EXOC3: variants seen among roughly 807,000 people sequenced by gnomAD.
EXOC3 encodes the protein SEC6-like 1.
EXOC3 carries 21 observed loss-of-function variants against 73.7 expected under a neutral mutation model. The observed-to-expected ratio is 0.29, with a 90% CI of 0.20 to 0.41. The LOEUF (loss-of-function observed/expected upper bound fraction) is 0.41, where lower values mean the gene tolerates loss of function less well. Among genes scored for constraint, EXOC3 ranks in the 10% least tolerant of loss-of-function variants. The pLI is 1.00. For missense variants in EXOC3, 842 were observed against 985.1 expected (o/e 0.85, Z 1.95); for synonymous variants, 410 against 389.1 (o/e 1.05, Z -0.63).
intron 1 of EXOC3, among the ~76,000 whole-genome samples, chr5:445,353 C>CTTTTTTTT (rs11452170): frequency 7.2e-6 from 1 of 139,624 alleles, no homozygotes; most frequent in African/African-American, 2.7e-5. Flanking sequence ...CTTTTTTTTT[C>CTTTTTTTT]TTTTTTTTTT....
intron 11 of EXOC3, 55 bp from the exon 12 acceptor site, chr5:465,663 T>C: frequency 6.2e-7 from 1 of 1,607,700 alleles, no homozygotes; most frequent in Admixed American, 1.7e-5. Flanking sequence ...ATCCAGCTGC[T>C]CCCAGCGCCG....
Position 463,676 on chromosome 5 carries a change from A to T in EXOC3, c.1654-614A>T, listed in dbSNP as rs1431482818. On this transcript the variant is annotated intron_variant, in intron 9 of 12. Coordinates refer to ENST00000512944, the MANE Select transcript of EXOC3 (RefSeq NM_007277.5). Reference sequence around the variant, plus strand: ...TTGGAGTTTTAATTTGTATACTTTTATTGGAGTTTTAATTTGTATACTTTT... The same window carrying T: ...TTGGAGTTTTAATTTGTATACTTTTTTTGGAGTTTTAATTTGTATACTTTT... Among the ~76,000 whole-genome samples, 8 of 152,316 alleles carry T rather than the reference A, an allele frequency of 5.3e-5. No homozygotes were observed. In the East Asian group the frequency reaches 1.3e-3, roughly 26 times the overall value.
intron 4 of EXOC3, among the ~76,000 whole-genome samples, chr5:454,720 A>G (rs1467440210): frequency 6.6e-6 from 1 of 152,150 alleles, no homozygotes; most frequent in Non-Finnish European, 1.5e-5. Flanking sequence ...AAATTCTTTA[A>G]GATTAGGTAG....
intron 4 of EXOC3, among the ~76,000 whole-genome samples, chr5:455,036 T>A (rs1737767439): frequency 6.6e-6 from 1 of 151,906 alleles, no homozygotes; most frequent in Non-Finnish European, 1.5e-5. Flanking sequence ...TGGCTCTCTG[T>A]GCAACCGTGG....
chr5:447,728 G>T lies in EXOC3; in HGVS notation c.340G>T (p.Glu114Ter). 1 of 1,575,160 alleles carries T rather than the reference G, an allele frequency of 6.3e-7. No homozygotes were observed. Among genetic ancestry groups the T allele is most frequent in the Non-Finnish European group, 8.6e-7 (1 of 1,158,678 alleles). The part of the protein sequence containing the change: ...VQHSQLAAAV[E>*]NLKNIFSVPE... ...GCACAGCCAGCTCGCCGCAGCCGTG[G>T]AGAACCTCAAGAACATCTTCTCAGG... Residue 114 changes from glutamate (E) to a stop codon, truncating the protein, a stop_gained, in exon 3 of 13, where the codon GAG (glutamate) becomes TAG (stop). Transcript: ENST00000512944. LOFTEE classifies it high-confidence loss of function.
At chr5:454,990 T>C (rs1468782768) in intron 4 of EXOC3, among the ~76,000 whole-genome samples, 1 of 151,442 alleles carries the variant, frequency 6.6e-6, no homozygotes, top group African/African-American at 2.4e-5. Flanking sequence ...AAGCGCCCCC[T>C]GCAGAGAATG....
rs1291040624 is a variant in EXOC3 at position 464,287 on chromosome 5, C to T, written c.1654-3C>T. ...ATTTCTATGATCTGTTTCTGCTTTT[C>T]AGCAACATCTGAATGAATTGATGAC... On this transcript the variant is annotated splice_polypyrimidine_tract_variant and splice_region_variant and intron_variant, in intron 9 of 12. Transcript: ENST00000512944. The T allele has an allele frequency of 5.6e-6, 9 of 1,612,862 alleles. No homozygotes were observed. The highest frequency in any genetic ancestry group is 1.3e-5 in the African/African-American group (1 of 75,028).
At chr5:457,784 T>C in intron 5 of EXOC3, 116 bp from the exon 6 acceptor site, 1 of 1,151,066 alleles carries the variant, frequency 8.7e-7, no homozygotes, top group Admixed American at 2.3e-5. Context: ...AAGAGGACGC[T>C]GGTGCCCTGT....
intron 7 of EXOC3, chr5:461,746 C>T: frequency 1.8e-6 from 1 of 553,150 alleles, no homozygotes. Flanking sequence ...TATTTTAAAG[C>T]CTGAGGTGAA....
intron 3 of EXOC3, among the ~76,000 whole-genome samples, chr5:448,949 G>A (rs1432016700): frequency 6.6e-6 from 1 of 152,214 alleles, no homozygotes; most frequent in African/African-American, 2.4e-5. Context: ...GGGCCGCCTG[G>A]AACAGGAATA....
At position 464,393 on chromosome 5, in the gene EXOC3, T is replaced by G; in HGVS notation, c.1757T>G (p.Ile586Ser). The change falls in exon 10 of 13, where the codon ATT becomes AGT. Residue 586 changes from isoleucine to serine, a missense_variant. Transcript: ENST00000512944. ...GACTATTTCAACGATTTTGCCAAAA[T>G]TAAAAAGCCGTATAAGAAGGTAAGA... ...VEDYFNDFAK[I>S]KKPYKKRMTA... The G allele has an allele frequency of 6.2e-7, 1 of 1,613,802 alleles. No homozygotes were observed. Among genetic ancestry groups the G allele is most frequent in the Non-Finnish European group, 8.5e-7 (1 of 1,179,752 alleles).
At chr5:464,561 C>T (rs933238085) in intron 10 of EXOC3, 149 bp downstream of exon 10, 8 of 774,922 alleles carry the variant, frequency 1.0e-5, no homozygotes, top group East Asian at 2.8e-5. Flanking sequence ...GCTCTGCGGA[C>T]GCCACCTCCC....
Position 462,447 on chromosome 5 carries a change from T to C in EXOC3, c.1653+140T>C, listed in dbSNP as rs1738017499. The C allele has an allele frequency of 2.1e-5, 19 of 905,912 alleles. No homozygotes were observed. The South Asian group carries it at 3.0e-4, about 14-fold the overall frequency. The allele number at this position is 905,912 out of a possible 1,614,324, so 56.1% of individuals were successfully genotyped here. A position where few individuals can be genotyped will look rare whatever the true frequency, so the allele number is the denominator to read the frequency against. ...GCTGTGCACTTGCATTCCGGTCAGA[T>C]CGCTTAAAGCGCCTCCGTTTTCGGT... On this transcript the variant is annotated intron_variant, in intron 9 of 12. Coordinates refer to ENST00000512944, the MANE Select transcript of EXOC3 (RefSeq NM_007277.5).
chr5:456,434 GT>G (rs1393240647), intron 4 of EXOC3, among the ~76,000 whole-genome samples: 27 of 152,140 alleles, frequency 1.8e-4, no homozygotes, highest in African/African-American at 6.3e-4. Context: ...GAGTACGTTT[GT>G]TTATTCAGCG....
rs769389762 is a variant in EXOC3 at position 454,013 on chromosome 5, C to T, written c.1008C>T (p.Ile336=). 7.4e-6 allele frequency: 12 copies of T among 1,612,742 alleles called. No individual in the cohort carries two copies. The highest frequency in any genetic ancestry group is 6.7e-5 in the East Asian group (3 of 44,856). ...LASEDLEANE[I]VSLLTWVLNT... ...CGGAAGACCTGGAAGCCAATGAGATCGTGAGCCTCTTGACGTGGGTCTTAA... is the reference window on the plus strand; with the variant it reads ...CGGAAGACCTGGAAGCCAATGAGATTGTGAGCCTCTTGACGTGGGTCTTAA... Residue 336 remains isoleucine (I), a synonymous_variant, in exon 4 of 13, where the codon ATC becomes ATT. Coordinates refer to ENST00000512944, the MANE Select transcript of EXOC3 (RefSeq NM_007277.5).
chr5:460,291 A>G (rs1369015416), intron 7 of EXOC3, among the ~76,000 whole-genome samples: 1 of 152,204 alleles, frequency 6.6e-6, no homozygotes, highest in African/African-American at 2.4e-5. Context: ...GCTGGCTTGT[A>G]GATCTCTGTA....
chr5:465,138 G>C lies in EXOC3; in HGVS notation c.1804G>C (p.Val602Leu). 1 of 1,592,974 alleles carries C rather than the reference G, an allele frequency of 6.3e-7. No individual in the cohort carries two copies. The highest frequency in any genetic ancestry group is 1.8e-5 in the Admixed American group (1 of 56,782). The change falls in exon 11 of 13, where the codon GTG (valine) becomes CTG (leucine). Residue 602 changes from valine (V) to leucine (L), a missense_variant. Transcript: ENST00000512944. ...KRMTAEAHRR[V>L]VVEYLRAVMQ... ...GATGACGGCCGAGGCGCACCGGCGC[G>C]TGGTGGTGGAGTACCTGCGGGCGGT... is the stretch of plus-strand genomic sequence containing the variant.
At chr5:459,735 G>T (rs1455490162) in intron 7 of EXOC3, among the ~76,000 whole-genome samples, 1 of 152,236 alleles carries the variant, frequency 6.6e-6, no homozygotes, top group Non-Finnish European at 1.5e-5. Flanking sequence ...GTTGGAGTCA[G>T]GCTCCTCCTG....
chr5:465,384 CG>C (rs1486491346), intron 11 of EXOC3, 112 bp downstream of exon 11: 4 of 1,219,538 alleles, frequency 3.3e-6, no homozygotes, highest in Admixed American at 2.4e-5. Flanking sequence ...GTTTGTCAGG[CG>C]GGGGGAGCCT....
Sources: allele counts gnomAD v4.1 joint callset (sites outside exome capture counted in the v4.1 genomes callset), GRCh38; gene constraint gnomAD v4.1.1; transcripts MANE v1.5; gene names NCBI Gene and HGNC (gene_info 2026-07-23, HGNC 2026-07-21).